The following ABCG2 variants were observed in gnomAD, a reference collection of about 807,000 sequenced individuals.
The protein encoded by ABCG2 is broad substrate specificity ATP-binding cassette transporter ABCG2.
Under a neutral mutation model 73.5 loss-of-function variants are expected in ABCG2, and 80 were observed. The observed-to-expected ratio is 1.09, with a 90% CI of 0.91 to 1.31. ABCG2 has a LOEUF of 1.31. Ranked by LOEUF, ABCG2 falls within the 50% of genes most tolerant of loss-of-function variation. ABCG2 has a pLI of 0.00. For missense variants in ABCG2, 796 were observed against 786.2 expected (o/e 1.01, Z -0.15); for synonymous variants, 269 against 282.4 (o/e 0.95, Z 0.48).
At chr4:88,158,886 C>A (rs548597922), upstream of ABCG2, 29 of 338,290 alleles carry the variant, frequency 8.6e-5, no homozygotes, top group African/African-American at 6.5e-4. Context: ...GCGCTTCGGG[C>A]TGTGGACCGC....
chr4:88,202,354 T>TTA (rs57530549), intron 1 of ABCG2, among the ~76,000 whole-genome samples: 4 of 62,080 alleles, frequency 6.4e-5, no homozygotes, highest in African/African-American at 2.1e-4. Flanking sequence ...CTACAATTAT[T>TTA]TATATATATA....
intron 1 of ABCG2, among the ~76,000 whole-genome samples, chr4:88,190,651 T>C (rs1388346189): frequency 6.6e-6 from 1 of 152,208 alleles, no homozygotes; most frequent in African/African-American, 2.4e-5. Context: ...GGAAATATTG[T>C]TTCTAAAATA....
At chr4:88,173,923 C>A (rs1164335633) in intron 1 of ABCG2, among the ~76,000 whole-genome samples, 1 of 152,144 alleles carries the variant, frequency 6.6e-6, no homozygotes, top group Non-Finnish European at 1.5e-5. Context: ...GTCCGTATTA[C>A]TTTTGGCCGA....
intron 1 of ABCG2, among the ~76,000 whole-genome samples, chr4:88,206,938 C>G (rs949543367): frequency 1.3e-5 from 2 of 152,196 alleles, no homozygotes; most frequent in African/African-American, 2.4e-5. Flanking sequence ...CCAGCTTCAT[C>G]TCTCACCACC....
intron 1 of ABCG2, among the ~76,000 whole-genome samples, chr4:88,216,109 G>C (rs959737656): frequency 7.2e-5 from 11 of 152,188 alleles, no homozygotes; most frequent in African/African-American, 2.2e-4. Context: ...ACCCACTTAG[G>C]TGTGACTGTT....
intron 8 of ABCG2, among the ~76,000 whole-genome samples, chr4:88,113,834 C>T (rs1723326725): frequency 6.6e-6 from 1 of 151,738 alleles, no homozygotes. Flanking sequence ...CGTGGTGGTG[C>T]GTGCCTGTAA....
intron 7 of ABCG2, 64 bp downstream of exon 7, chr4:88,118,045 C>T: frequency 6.6e-7 from 1 of 1,518,796 alleles, no homozygotes; most frequent in Non-Finnish European, 8.9e-7. Context: ...CCTGCAGACC[C>T]CCTTTGCTCT....
At chr4:88,129,472 G>A (rs1052387599) in intron 5 of ABCG2, among the ~76,000 whole-genome samples, 6 of 152,098 alleles carry the variant, frequency 3.9e-5, no homozygotes, top group Admixed American at 3.9e-4. Flanking sequence ...ATCCTAACAA[G>A]CAACATAGGG....
At chr4:88,113,214 G>A (rs1251669922) in intron 9 of ABCG2, 89 bp downstream of exon 9, 1 of 1,471,524 alleles carries the variant, frequency 6.8e-7, no homozygotes, top group Non-Finnish European at 9.2e-7. Flanking sequence ...TAATTGGAAG[G>A]GTGGGTAGAA....
In ABCG2 at chr4:88,169,551, A is replaced by C. The variant is rs181174521; in HGVS notation, c.-19-29537T>G. On this transcript the variant is annotated intron_variant, in intron 1 of 15. Transcript: ENST00000515655. ...ATACACCCTAAAGTGTTAGATTAGA[A>C]AAGAGTTCTAATGGTCAGTTAAACC... Among the ~76,000 whole-genome samples, 10 of 152,246 alleles carry C rather than the reference A, an allele frequency of 6.6e-5. No homozygotes were observed. The East Asian group carries it at 1.9e-3, about 29-fold the overall frequency.
At chr4:88,200,195 G>A (rs1340141427) in intron 1 of ABCG2, among the ~76,000 whole-genome samples, 1 of 151,898 alleles carries the variant, frequency 6.6e-6, no homozygotes, top group Non-Finnish European at 1.5e-5. Flanking sequence ...GTGTGGTGAC[G>A]CACACACTGG....
intron 10 of ABCG2, among the ~76,000 whole-genome samples, chr4:88,104,571 T>C (rs574012267): frequency 6.6e-6 from 1 of 151,834 alleles, no homozygotes; most frequent in African/African-American, 2.4e-5. Context: ...AACACCAAAG[T>C]GATGGATTGA....
chr4:88,142,326 T>C (rs1230553075), intron 1 of ABCG2, among the ~76,000 whole-genome samples: 1 of 151,966 alleles, frequency 6.6e-6, no homozygotes. Context: ...CCAAAGAGGA[T>C]GAATACAAAA....
intron 1 of ABCG2, among the ~76,000 whole-genome samples, chr4:88,202,366 A>ATATATATATATATATATATATATATG (rs1456537532): frequency 1.1e-4 from 13 of 122,966 alleles, no homozygotes; most frequent in African/African-American, 3.8e-4. Context: ...ATATATATAT[A>ATATATATATATATATATATATATATG]TATATATATA....
intron 5 of ABCG2, among the ~76,000 whole-genome samples, chr4:88,123,172 AGGTC>A (rs1724132849): frequency 6.6e-6 from 1 of 152,208 alleles, no homozygotes; most frequent in Non-Finnish European, 1.5e-5. Flanking sequence ...CCCCATCCAA[AGGTC>A]ACCAGCATCA....
At chr4:88,118,378 C>T (rs919771490) in intron 6 of ABCG2, 118 bp from the exon 7 acceptor site, 107 of 1,086,192 alleles carry the variant, frequency 9.9e-5, no homozygotes, top group Non-Finnish European at 1.3e-4. Flanking sequence ...CTTTGTCTTA[C>T]TAACTTTTCA....
rs1560650774 is a variant in ABCG2, at chr4:88,097,531, C to G, written c.1569G>C (p.Met523Ile). 1 of 1,614,204 alleles carries G rather than the reference C, an allele frequency of 6.2e-7. No homozygotes were observed. Residue 523 changes from methionine to isoleucine, a missense_variant, in exon 13 of 16, where the codon ATG becomes ATC. Coordinates refer to ENST00000237612, the MANE Select transcript of ABCG2 (RefSeq NM_004827.3). Reference protein sequence around the residue: ...LMMVAYSASSMALAIAAGQSV... With the variant: ...LMMVAYSASSIALAIAAGQSV... Reference sequence around the variant, plus strand: ...TCTGACCTGCTGCTATGGCCAGTGCCATGGAACTGGCTGAATAAGCCACCA... The same window carrying G: ...TCTGACCTGCTGCTATGGCCAGTGCGATGGAACTGGCTGAATAAGCCACCA...
intron 1 of ABCG2, among the ~76,000 whole-genome samples, chr4:88,203,504 C>A (rs1303939451): frequency 6.6e-6 from 1 of 152,170 alleles, no homozygotes; most frequent in African/African-American, 2.4e-5. Context: ...GGCGCGGTGG[C>A]TCATGCCTTT....
chr4:88,199,950 A>G (rs1274977823), intron 1 of ABCG2, among the ~76,000 whole-genome samples: 4 of 152,068 alleles, frequency 2.6e-5, no homozygotes, highest in Non-Finnish European at 4.4e-5. Context: ...TGCAGTGAGC[A>G]AGATCGCGCC....
Sources: allele counts gnomAD v4.1 joint callset (sites outside exome capture counted in the v4.1 genomes callset), GRCh38; gene constraint gnomAD v4.1.1; transcripts MANE v1.5; gene names NCBI Gene and HGNC (gene_info 2026-07-23, HGNC 2026-07-21).